FBXL17: variants seen among roughly 807,000 people sequenced by gnomAD.
FBXL17 encodes the protein F-box and leucine rich repeat protein 17.
A neutral mutation model predicts 66.2 loss-of-function variants in FBXL17; 22 were observed. The ratio of observed to expected loss-of-function variants is 0.33; its 90% CI spans 0.24 to 0.47. FBXL17 has a LOEUF of 0.47. Among genes scored for constraint, FBXL17 ranks in the 20% least tolerant of loss-of-function variants. The pLI is 1.00. For synonymous variants in FBXL17, 474 were observed against 400.5 expected (o/e 1.18, Z -2.19); for missense variants, 878 against 948.2 (o/e 0.93, Z 0.97).
At chr5:108,357,583 C>G (rs541943602) in intron 3 of FBXL17, among the ~76,000 whole-genome samples, 1 of 152,034 alleles carries the variant, frequency 6.6e-6, no homozygotes, top group South Asian at 2.1e-4. Flanking sequence ...CATTCCAGGC[C>G]ATAAAACACA....
At chr5:107,950,838 G>C (rs1751477039) in intron 7 of FBXL17, among the ~76,000 whole-genome samples, 1 of 152,194 alleles carries the variant, frequency 6.6e-6, no homozygotes, top group African/African-American at 2.4e-5. Flanking sequence ...TGATTAATGT[G>C]TGACAGTTAT....
At chr5:108,324,326 T>C (rs941926152) in intron 4 of FBXL17, among the ~76,000 whole-genome samples, 1 of 151,976 alleles carries the variant, frequency 6.6e-6, no homozygotes, top group African/African-American at 2.4e-5. Context: ...CATGAAAACA[T>C]GCTTAGCGAC....
At chr5:108,269,468 C>T (rs1024890604) in intron 4 of FBXL17, among the ~76,000 whole-genome samples, 6 of 152,008 alleles carry the variant, frequency 3.9e-5, no homozygotes, top group Non-Finnish European at 7.4e-5. Context: ...TACACAATAA[C>T]TAATGCCATC....
At chr5:108,208,427 G>A (rs1754222299) in intron 5 of FBXL17, among the ~76,000 whole-genome samples, 1 of 152,118 alleles carries the variant, frequency 6.6e-6, no homozygotes, top group Non-Finnish European at 1.5e-5. Context: ...TTTTCCTCTA[G>A]GATTTTTATG....
chr5:108,081,254 A>C (rs182071099), intron 6 of FBXL17, among the ~76,000 whole-genome samples: 1 of 152,290 alleles, frequency 6.6e-6, no homozygotes, highest in East Asian at 1.9e-4. Context: ...CCTCCTTCCC[A>C]TAACAGCCTG....
chr5:108,177,223 T>TAGTA, intron 6 of FBXL17, among the ~76,000 whole-genome samples: 1 of 152,224 alleles, frequency 6.6e-6, no homozygotes, highest in Non-Finnish European at 1.5e-5. Flanking sequence ...GAGTCATGTG[T>TAGTA]AGTACAAAAC....
chr5:108,103,182 C>G (rs1048406569), intron 6 of FBXL17, among the ~76,000 whole-genome samples: 1 of 152,150 alleles, frequency 6.6e-6, no homozygotes, highest in African/African-American at 2.4e-5. Flanking sequence ...TGTGAATTCA[C>G]TTGGGTAGAA....
At chr5:108,306,863 G>C (rs1328632255) in intron 4 of FBXL17, among the ~76,000 whole-genome samples, 1 of 151,744 alleles carries the variant, frequency 6.6e-6, no homozygotes, top group Admixed American at 6.6e-5. Context: ...AAAAAGTCCA[G>C]GGTTATCTCT....
intron 6 of FBXL17, among the ~76,000 whole-genome samples, chr5:108,087,295 G>A (rs1161357496): frequency 6.6e-6 from 1 of 152,176 alleles, no homozygotes; most frequent in African/African-American, 2.4e-5. Flanking sequence ...TACTGTGGTA[G>A]AGACAGATGC....
intron 6 of FBXL17, among the ~76,000 whole-genome samples, chr5:108,150,998 T>C (rs1256405894): frequency 6.6e-6 from 1 of 152,142 alleles, no homozygotes; most frequent in Non-Finnish European, 1.5e-5. Flanking sequence ...TCTTATTCCT[T>C]TTGGTTGTTA....
chr5:107,872,472 A>G (rs1360466791), intron 8 of FBXL17, among the ~76,000 whole-genome samples: 1 of 152,250 alleles, frequency 6.6e-6, no homozygotes, highest in Non-Finnish European at 1.5e-5. Context: ...TTCACAAACC[A>G]AAACTGTAGA....
chr5:108,008,802 A>G (rs1364479578), intron 7 of FBXL17, among the ~76,000 whole-genome samples: 1 of 152,084 alleles, frequency 6.6e-6, no homozygotes, highest in Non-Finnish European at 1.5e-5. Flanking sequence ...TGACTTCATA[A>G]GGCTGACTTC....
At chr5:108,037,161 C>T (rs894880973) in intron 6 of FBXL17, among the ~76,000 whole-genome samples, 6 of 152,060 alleles carry the variant, frequency 3.9e-5, no homozygotes, top group Admixed American at 3.9e-4. Context: ...TGAGAAGACA[C>T]CATGATATTT....
At chr5:108,244,507 G>A (rs1272746366) in intron 4 of FBXL17, among the ~76,000 whole-genome samples, 1 of 152,114 alleles carries the variant, frequency 6.6e-6, no homozygotes, top group Non-Finnish European at 1.5e-5. Flanking sequence ...CATGCCATGC[G>A]TATACTATAC....
Position 108,255,599 on chromosome 5 carries a change from T to C in FBXL17, c.1507-31371A>G, listed in dbSNP as rs185876382. 2.4e-4 allele frequency among the ~76,000 whole-genome samples: 36 copies of C among 152,318 alleles called. No individual in the cohort carries two copies. In the East Asian group the frequency reaches 7.0e-3, roughly 29 times the overall value. On this transcript the variant is annotated intron_variant, in intron 4 of 8. Transcript: ENST00000542267. ...ATTAGGCTTAATCTCAGGAGTCCTC[T>C]GGGCTTGCGTCCAAGGAAAAACTGA...
chr5:107,922,398 G>T (rs1388393506), intron 7 of FBXL17, among the ~76,000 whole-genome samples: 1 of 152,114 alleles, frequency 6.6e-6, no homozygotes, highest in Non-Finnish European at 1.5e-5. Context: ...AGATGATGTT[G>T]AGTCTATGCA....
intron 4 of FBXL17, among the ~76,000 whole-genome samples, chr5:108,266,865 C>A (rs1757065641): frequency 6.6e-6 from 1 of 152,028 alleles, no homozygotes; most frequent in South Asian, 2.1e-4. Context: ...TGATTGAGGG[C>A]AGTTGGGTTT....
At position 108,070,778 on chromosome 5, in the gene FBXL17, T is replaced by G. The variant is rs112870096; in HGVS notation, c.1746-49777A>C. Among the ~76,000 whole-genome samples the G allele has an allele frequency of 1.1e-3, 166 of 152,308 alleles. 1 individual carries two copies. The highest frequency in any genetic ancestry group is 2.1e-3 in the Non-Finnish European group (144 of 68,028). On this transcript the variant is annotated intron_variant, in intron 6 of 8. Transcript: ENST00000542267. ...ATTAAGATAATTTAAGGCTGAATAG[T>G]TCGAGAGTGCAGCAGAGCATAAAGG...
intron 6 of FBXL17, among the ~76,000 whole-genome samples, chr5:108,105,992 C>A (rs1749780567): frequency 1.3e-5 from 2 of 152,074 alleles, no homozygotes; most frequent in South Asian, 4.1e-4. Context: ...CGCCGGAAAG[C>A]AAGGGTTAAT....
Sources: allele counts gnomAD v4.1 joint callset (sites outside exome capture counted in the v4.1 genomes callset), GRCh38; gene constraint gnomAD v4.1.1; transcripts MANE v1.5; gene names NCBI Gene and HGNC (gene_info 2026-07-23, HGNC 2026-07-21).